The following PIN4 variants were observed in gnomAD, a reference collection of about 807,000 sequenced individuals.
PIN4 encodes peptidyl-prolyl cis-trans isomerase NIMA-interacting 4.
A neutral mutation model predicts 8.3 loss-of-function variants in PIN4; 3 were observed. The ratio of observed to expected loss-of-function variants is 0.36; its 90% CI spans 0.16 to 0.93. PIN4 has a LOEUF of 0.93. Ranked by LOEUF, PIN4 falls within the 40% of genes least tolerant of loss-of-function variation. PIN4 has a pLI of 0.44. For missense variants in PIN4, 75 were observed against 100.6 expected, an observed-to-expected ratio of 0.75 and a Z score of 1.09; for synonymous variants, 18 against 32.5, an observed-to-expected ratio of 0.55 and a Z score of 1.52.
chrX:72,263,246 C>A (rs41303713), exon 4 of PIN4: 1,419 of 113,637 alleles, frequency 0.012, 8 homozygotes, highest in Admixed American at 0.019. Context: ...GGGGAAGCAA[C>A]GTTTCAGCTG....
At chrX:72,219,906 G>A (rs1266816183) in intron 3 of PIN4, among the ~76,000 whole-genome samples, 7 of 110,344 alleles carry the variant, frequency 6.3e-5, no homozygotes, top group East Asian at 2.8e-4. Flanking sequence ...AAGAGAAGTC[G>A]CAAGAGCAGA....
intron 3 of PIN4, among the ~76,000 whole-genome samples, chrX:72,243,554 G>A (rs1471176886): frequency 2.7e-5 from 3 of 111,868 alleles, no homozygotes; most frequent in Non-Finnish European, 5.6e-5. Context: ...GCTTGTTACA[G>A]AGGTTCATTA....
intron 3 of PIN4, among the ~76,000 whole-genome samples, chrX:72,215,836 C>T (rs1467707037): frequency 9.0e-6 from 1 of 110,558 alleles, no homozygotes; most frequent in Non-Finnish European, 1.9e-5. Flanking sequence ...TTTTCCCTCC[C>T]GCTTGGGTTC....
chrX:72,248,437 A>G lies in PIN4; in HGVS notation c.313-14270A>G, dbSNP rs920605664. Among the ~76,000 whole-genome samples the G allele has an allele frequency of 5.4e-5, 6 of 111,235 alleles. No homozygotes were observed. The South Asian group carries it at 1.5e-3, about 28-fold the overall frequency. On this transcript the variant is annotated intron_variant, in intron 3 of 3. Coordinates refer to the PIN4 transcript ENST00000423432. ...GGAAAATCTTAGGGTGAAGACAGGA[A>G]AAGACTTTCTCACAGTCAGAGTGTA...
chrX:72,220,681 G>A (rs972136181), intron 3 of PIN4, among the ~76,000 whole-genome samples: 1 of 109,274 alleles, frequency 9.2e-6, no homozygotes, highest in Admixed American at 9.8e-5. Flanking sequence ...TTCCAACCCC[G>A]CCATAAAACT....
intron 1 of PIN4, among the ~76,000 whole-genome samples, chrX:72,185,103 C>G (rs1197710252): frequency 6.4e-5 from 6 of 93,586 alleles, no homozygotes; most frequent in African/African-American, 2.3e-4. Flanking sequence ...GAAATCGCGC[C>G]ACTGCACTCC....
intron 3 of PIN4, chrX:72,205,790 C>G: frequency 4.1e-6 from 5 of 1,212,074 alleles, no homozygotes; most frequent in Non-Finnish European, 5.6e-6. Context: ...TTGCTATGCA[C>G]AAACCCTGCT....
intron 3 of PIN4, among the ~76,000 whole-genome samples, chrX:72,262,398 T>A (rs1439922888): frequency 3.6e-5 from 4 of 112,311 alleles, no homozygotes; most frequent in Non-Finnish European, 1.9e-5. Context: ...GAAGTATTTC[T>A]GTCCTTCAGT....
At chrX:72,193,444 A>G in intron 2 of PIN4, among the ~76,000 whole-genome samples, 1 of 111,377 alleles carries the variant, frequency 9.0e-6, no homozygotes, top group Middle Eastern at 4.6e-3. Context: ...TTTCCATGGG[A>G]CAGGACATGG....
intron 3 of PIN4, among the ~76,000 whole-genome samples, chrX:72,257,774 G>GCC (rs1034724934): frequency 2.7e-5 from 3 of 111,660 alleles, no homozygotes; most frequent in Non-Finnish European, 3.8e-5. Flanking sequence ...ATGACCTTGG[G>GCC]CAAGTTGCTT....
chrX:72,228,747 T>G (rs1179665876), intron 3 of PIN4, among the ~76,000 whole-genome samples: 2 of 111,057 alleles, frequency 1.8e-5, no homozygotes, highest in African/African-American at 6.6e-5. Flanking sequence ...CGCTTTTTGC[T>G]TGTTTTTTTT....
At chrX:72,198,553 T>C (rs898476444), downstream of PIN4, among the ~76,000 whole-genome samples, 1 of 112,308 alleles carries the variant, frequency 8.9e-6, no homozygotes, top group Non-Finnish European at 1.9e-5. Context: ...CAAATAGATA[T>C]AAGATGAAAC....
At chrX:72,255,960 T>G (rs1444424511) in intron 3 of PIN4, 1 of 111,979 alleles carries the variant, frequency 8.9e-6, no homozygotes, top group African/African-American at 3.2e-5. Flanking sequence ...TCATTCGATA[T>G]TTACTGGGCA....
chrX:72,251,214 T>C (rs768532423), intron 3 of PIN4, among the ~76,000 whole-genome samples: 21 of 103,303 alleles, frequency 2.0e-4, no homozygotes, highest in African/African-American at 7.1e-4. Flanking sequence ...AAAAAAAAAA[T>C]TACCCGGGCG....
At chrX:72,194,256 C>T (rs772711199) in intron 2 of PIN4, among the ~76,000 whole-genome samples, 94 of 110,752 alleles carry the variant, frequency 8.5e-4, no homozygotes, top group Middle Eastern at 4.6e-3. Context: ...AAAATTAGGC[C>T]GGGTATGGTG....
At chrX:72,207,052 C>T (rs1423637771) in intron 3 of PIN4, 1 of 1,209,770 alleles carries the variant, frequency 8.3e-7, no homozygotes, top group Non-Finnish European at 1.1e-6. Flanking sequence ...TTGTCCAATT[C>T]GGTAAACTCT....
At chrX:72,218,963 G>A (rs1218731582) in intron 3 of PIN4, among the ~76,000 whole-genome samples, 1 of 112,775 alleles carries the variant, frequency 8.9e-6, no homozygotes, top group Non-Finnish European at 1.9e-5. Context: ...TATTGTAAAT[G>A]GAATTGTTTT....
rs527946547 is a variant in PIN4 at position 72,219,947 on chromosome X, C to T, written c.312+23043C>T. Among the ~76,000 whole-genome samples, 10 of 110,994 alleles carry T rather than the reference C, an allele frequency of 9.0e-5. No homozygotes were observed. The Middle Eastern group carries it at 0.019, about 206-fold the overall frequency. On this transcript the variant is annotated intron_variant, in intron 3 of 3. Coordinates refer to the PIN4 transcript ENST00000423432. Reference sequence around the variant, plus strand: ...ATCCTTGCCTTGTTCCTGATATGAGCGGGAAAAGCCTTTAGTCTTTCACCA... The same window carrying T: ...ATCCTTGCCTTGTTCCTGATATGAGTGGGAAAAGCCTTTAGTCTTTCACCA...
At chrX:72,201,418 CCT>C (rs1378051198), downstream of PIN4, among the ~76,000 whole-genome samples, 2 of 110,821 alleles carry the variant, frequency 1.8e-5, no homozygotes, top group Admixed American at 9.6e-5. Flanking sequence ...ATGGTGAAAC[CCT>C]GTCTCTACCA....
Sources: gnomAD v4.1 joint callset for allele counts (sites outside exome capture counted in the v4.1 genomes callset) on GRCh38, gnomAD v4.1.1 for gene constraint, MANE v1.5 for transcripts, NCBI Gene and HGNC (gene_info 2026-07-23, HGNC 2026-07-21) for gene names.